SEL1L3: variants seen among roughly 807,000 people sequenced by gnomAD.
SEL1L3 encodes the protein SEL1L family member 3.
In SEL1L3, 76 loss-of-function variants were observed where a neutral mutation model predicts 142.8. The ratio of observed to expected loss-of-function variants is 0.53; its 90% CI spans 0.44 to 0.64. SEL1L3 has a LOEUF of 0.64. SEL1L3 is among the 30% of genes least tolerant of loss of function. SEL1L3 has a pLI of 0.00. For synonymous variants in SEL1L3, 504 were observed against 519.6 expected, an observed-to-expected ratio of 0.97 and a Z score of 0.41; for missense variants, 1,262 against 1,381.7, an observed-to-expected ratio of 0.91 and a Z score of 1.37.
In SEL1L3 at chr4:25,862,688, A is replaced by G; in HGVS notation, c.149T>C (p.Leu50Pro). 1 of 1,303,716 alleles carries G rather than the reference A, an allele frequency of 7.7e-7. No homozygotes were observed. The highest frequency in any genetic ancestry group is 9.8e-7 in the Non-Finnish European group (1 of 1,023,756). 80.8% of individuals were successfully genotyped at this position (1,303,716 alleles called of 1,614,324 possible). The change falls in exon 1 of 24, where the codon CTG becomes CCG. Residue 50 changes from leucine to proline, a missense_variant. Around this residue, in one of 3 missense-constraint regions of SEL1L3, gnomAD observed 689 missense variants for 692.8 expected, o/e 0.99. Transcript: ENST00000399878. ...LGGRSACALL[L>P]LCYLNVVPSL... ...TCCGGCGCTCACCAGGTAGCAGAGC[A>G]GGAGCAGCGCGCAGGCAGAGCGGCC...
chr4:25,813,829 G>A (rs1714189267), intron 9 of SEL1L3, among the ~76,000 whole-genome samples: 2 of 152,168 alleles, frequency 1.3e-5, no homozygotes, highest in Non-Finnish European at 2.9e-5. Flanking sequence ...ACAACTCAAA[G>A]GTGCTGACCT....
At chr4:25,726,024 C>G in the SEL1L3 span, among the ~76,000 whole-genome samples, 56,638 of 151,770 alleles carry the variant, frequency 0.37, 11,859 homozygotes, top group African/African-American at 0.58. Context: ...TAACATCCTA[C>G]GGATGCAGCC....
chr4:25,762,388 C>T (rs1718431143), intron 20 of SEL1L3, among the ~76,000 whole-genome samples: 1 of 152,194 alleles, frequency 6.6e-6, no homozygotes, highest in Non-Finnish European at 1.5e-5. Context: ...GAGGAAACCA[C>T]CTCCAAGTCT....
At chr4:25,762,821 C>T (rs946107663) in intron 20 of SEL1L3, among the ~76,000 whole-genome samples, 2 of 152,042 alleles carry the variant, frequency 1.3e-5, no homozygotes, top group East Asian at 3.9e-4. Context: ...CTACTAAAAA[C>T]ACAAAAATTA....
intron 23 of SEL1L3, among the ~76,000 whole-genome samples, chr4:25,750,167 G>A (rs1043064524): frequency 1.5e-4 from 22 of 151,048 alleles, no homozygotes; most frequent in Admixed American, 1.5e-3. Flanking sequence ...CTGGGAGGCC[G>A]GAGGTTGTGG....
intron 11 of SEL1L3, among the ~76,000 whole-genome samples, chr4:25,799,078 T>A (rs1712995921): frequency 6.7e-6 from 1 of 148,922 alleles, no homozygotes; most frequent in South Asian, 2.1e-4. Context: ...CCTACTCTGT[T>A]TGTTGTTGTT....
chr4:25,810,551 C>T (rs1294060910), intron 9 of SEL1L3, among the ~76,000 whole-genome samples: 1 of 152,234 alleles, frequency 6.6e-6, no homozygotes, highest in African/African-American at 2.4e-5. Context: ...TAAAACACCA[C>T]CGTACTAGCA....
At chr4:25,800,229 G>T (rs1372348956) in intron 11 of SEL1L3, among the ~76,000 whole-genome samples, 3 of 152,104 alleles carry the variant, frequency 2.0e-5, no homozygotes, top group Non-Finnish European at 2.9e-5. Flanking sequence ...ACTACATTAC[G>T]CTGGTGAATT....
intron 11 of SEL1L3, among the ~76,000 whole-genome samples, chr4:25,796,218 T>C (rs965885438): frequency 8.5e-5 from 13 of 152,174 alleles, no homozygotes; most frequent in South Asian, 4.2e-4. Context: ...CCGGGGATGC[T>C]GACATGCCTT....
chr4:25,733,838 C>A, the SEL1L3 span, among the ~76,000 whole-genome samples: 1 of 152,048 alleles, frequency 6.6e-6, no homozygotes, highest in African/African-American at 2.4e-5. Flanking sequence ...TTACAAAGGA[C>A]TTCCAGTACA....
intron 21 of SEL1L3, 179 bp from the exon 22 acceptor site, chr4:25,757,969 GA>G: frequency 1.7e-6 from 1 of 593,808 alleles, no homozygotes; most frequent in Non-Finnish European, 3.0e-6. Context: ...GGTTTGGCCT[GA>G]TCTGAAATTC....
chr4:25,767,349 T>C (rs1263352236), intron 19 of SEL1L3, among the ~76,000 whole-genome samples, 176 bp downstream of exon 19: 1 of 151,824 alleles, frequency 6.6e-6, no homozygotes, highest in Non-Finnish European at 1.5e-5. Flanking sequence ...GGGTGAGGAG[T>C]AGTGCATTGT....
At chr4:25,834,500 A>C (rs1162399192) in intron 3 of SEL1L3, among the ~76,000 whole-genome samples, 2 of 152,248 alleles carry the variant, frequency 1.3e-5, no homozygotes, top group African/African-American at 2.4e-5. Context: ...GCAGATACAC[A>C]CAAGTCCTTT....
intron 14 of SEL1L3, among the ~76,000 whole-genome samples, chr4:25,783,196 T>C (rs545644337): frequency 1.3e-5 from 2 of 152,312 alleles, no homozygotes; most frequent in Non-Finnish European, 2.9e-5. Flanking sequence ...AACCAATGAT[T>C]TCCATGACTA....
chr4:25,792,627 G>A (rs1042385487), intron 11 of SEL1L3, among the ~76,000 whole-genome samples: 1 of 152,196 alleles, frequency 6.6e-6, no homozygotes, highest in Non-Finnish European at 1.5e-5. Context: ...AATGAGTGGT[G>A]GAGCCTAGTT....
In SEL1L3 at chr4:25,847,326, G is replaced by T; in HGVS notation, c.701C>A (p.Ala234Glu). 1.2e-6 allele frequency: 2 copies of T among 1,613,706 alleles called. No individual in the cohort carries two copies. The highest frequency in any genetic ancestry group is 1.7e-6 in the Non-Finnish European group (2 of 1,179,756). ...CAGAGGACACTGTGGAATCCTGTTT[G>T]CCCGAAGGTTCCAAATATAACCCAT... is the stretch of plus-strand genomic sequence containing the variant. Reference protein sequence around the residue: ...WNMGYIWNLRANRIPQCPLEN... With the variant: ...WNMGYIWNLRENRIPQCPLEN... The change falls in exon 2 of 24, where the codon GCA becomes GAA. Residue 234 changes from alanine (A) to glutamate (E), a missense_variant. Around this residue, in one of 3 missense-constraint regions of SEL1L3, gnomAD observed 689 missense variants for 692.8 expected, o/e 0.99. Coordinates refer to ENST00000399878, the MANE Select transcript of SEL1L3 (RefSeq NM_015187.5).
Position 25,767,822 on chromosome 4 carries a change from G to T in SEL1L3, c.2678C>A (p.Ala893Asp). Reference sequence around the variant, plus strand: ...TGCTGCTAAAACATAATACAGCAAAGCTTCATGCCTAAAAATAGATGATTA... The same window carrying T: ...TGCTGCTAAAACATAATACAGCAAATCTTCATGCCTAAAAATAGATGATTA... ...NAYLEGSWHE[A>D]LLYYVLAAET... The change falls in exon 18 of 24, where the codon GCT becomes GAT. Residue 893 changes from alanine (A) to aspartate (D), a missense_variant. By Grantham distance (126) the Ala-to-Asp change is moderately radical. This residue lies in a region of SEL1L3 where 435 missense variants were observed against 559.2 expected (regional missense o/e 0.78). Coordinates refer to ENST00000399878, the MANE Select transcript of SEL1L3 (RefSeq NM_015187.5). 6.4e-7 allele frequency: 1 copy of T among 1,554,106 alleles called. No homozygotes were observed. Among genetic ancestry groups the T allele is most frequent in the Non-Finnish European group, 8.7e-7 (1 of 1,144,304 alleles).
chr4:25,848,340 A>T (rs1320987461), intron 1 of SEL1L3, among the ~76,000 whole-genome samples: 1 of 152,238 alleles, frequency 6.6e-6, no homozygotes, highest in East Asian at 1.9e-4. Context: ...CATAACAGGG[A>T]TGCCAACCTG....
At chr4:25,726,786 G>A in the SEL1L3 span, among the ~76,000 whole-genome samples, 11 of 151,990 alleles carry the variant, frequency 7.2e-5, no homozygotes, top group Admixed American at 3.9e-4. Flanking sequence ...CTATTTTTTC[G>A]CCTACATTTG....
Sources: gnomAD v4.1 joint callset for allele counts (sites outside exome capture counted in the v4.1 genomes callset) on GRCh38, gnomAD v4.1.1 for gene constraint, gnomAD v4.1.1 regional missense constraint, MANE v1.5 for transcripts, NCBI Gene and HGNC (gene_info 2026-07-23, HGNC 2026-07-21) for gene names.